TPM4: variants seen among roughly 807,000 people sequenced by gnomAD.
TPM4 encodes tropomyosin 4.
Under a neutral mutation model 35.8 loss-of-function variants are expected in TPM4, and 17 were observed. That is an observed-to-expected ratio of 0.47 (90% CI 0.32 to 0.71). The LOEUF is 0.71. Ranked by LOEUF, TPM4 falls within the 30% of genes least tolerant of loss-of-function variation. The probability of loss-of-function intolerance (pLI) is 0.03; values close to 1 mark genes in which losing one functional copy is unlikely to be tolerated. For missense variants in TPM4, 240 were observed against 320.9 expected (o/e 0.75, Z 1.93); for synonymous variants, 120 against 122.9 (o/e 0.98, Z 0.15).
intron 3 of TPM4, among the ~76,000 whole-genome samples, chr19:16,087,318 G>A (rs555450032): frequency 7.8e-4 from 119 of 151,968 alleles, no homozygotes; most frequent in African/African-American, 2.6e-3. Context: ...GGCTCACGCC[G>A]GTAATCCCAG....
chr19:16,097,397 C>T (rs570147572), intron 7 of TPM4, among the ~76,000 whole-genome samples: 331 of 152,224 alleles, frequency 2.2e-3, no homozygotes, highest in Non-Finnish European at 3.8e-3. Flanking sequence ...GCCTCAGCCT[C>T]CCAAGTAGCT....
In TPM4 at chr19:16,070,725, G is replaced by A. The variant is rs550950432; in HGVS notation, c.114+2987G>A. ...TAAATGTAGGTTGATTTCCTGCCCC[G>A]CCCTACTTCCCCTTTGGGCCTCCCC... On this transcript the variant is annotated intron_variant, in intron 2 of 2. Coordinates refer to the TPM4 transcript ENST00000589897. This position sits in a 1 kb window ranked among gnomAD's most constrained non-coding sequence, Gnocchi z 7.4. Among the ~76,000 whole-genome samples the A allele has an allele frequency of 1.7e-4, 26 of 151,094 alleles. No individual in the cohort carries two copies. The South Asian group carries it at 3.8e-3, about 22-fold the overall frequency.
upstream of TPM4, chr19:16,075,966 A>C: frequency 2.0e-6 from 3 of 1,525,910 alleles, no homozygotes; most frequent in Non-Finnish European, 2.6e-6. Flanking sequence ...ACTCTTGTGA[A>C]TATTGGGGGG....
At chr19:16,073,966 A>ACACACAC (rs1568298147), upstream of TPM4, among the ~76,000 whole-genome samples, 6 of 140,808 alleles carry the variant, frequency 4.3e-5, no homozygotes, top group African/African-American at 1.5e-4. Flanking sequence ...AAAAACGCAA[A>ACACACAC]AAAAAAAAAT....
chr19:16,082,990 CAAAAA>C (rs1195606325), intron 2 of TPM4, among the ~76,000 whole-genome samples: 464 of 62,848 alleles, frequency 7.4e-3, no homozygotes, highest in African/African-American at 0.025. Context: ...GATTCTGTCT[CAAAAA>C]AAAAAAAAAA....
In TPM4 at chr19:16,067,699, G is replaced by A. The variant is rs1319082909; in HGVS notation, c.75G>A (p.Ala25=). The A allele has an allele frequency of 6.2e-7, 1 of 1,613,578 alleles. No individual in the cohort carries two copies. Among genetic ancestry groups the A allele is most frequent in the African/African-American group, 1.3e-5 (1 of 75,040 alleles). ...ATGCCATCGACCGCGCGGAGCAGGC[G>A]GAGGCGGATAAGAAAGCCGCTGAGG... The change falls in exon 2 of 3, where the codon GCG becomes GCA. Residue 25 remains alanine (A), a synonymous_variant. Transcript: ENST00000589897. This position sits in a 1 kb window ranked among gnomAD's most constrained non-coding sequence, Gnocchi z 4.1.
Position 16,089,397 on chromosome 19 carries a change from T to C in TPM4, c.531+277T>C, listed in dbSNP as rs139300753. Among the ~76,000 whole-genome samples the C allele has an allele frequency of 8.1e-4, 124 of 152,332 alleles. 1 individual carries two copies. The highest frequency in any genetic ancestry group is 2.8e-3 in the African/African-American group (118 of 41,570). ...CTTCTTAGCGAGATCTGAGCATAGT[T>C]GTATAAATAAATACAGAGCCTGCCT... On this transcript the variant is annotated intron_variant, in intron 5 of 7. Transcript: ENST00000643579.
chr19:16,071,378 G>T (rs928472547), intron 2 of TPM4, among the ~76,000 whole-genome samples: 5 of 151,702 alleles, frequency 3.3e-5, no homozygotes, highest in Non-Finnish European at 7.4e-5. Context: ...GTAGAGACAG[G>T]GTCTCACTAT....
chr19:16,068,828 C>T (rs1403476113), intron 2 of TPM4, among the ~76,000 whole-genome samples: 2 of 152,042 alleles, frequency 1.3e-5, no homozygotes, highest in Non-Finnish European at 2.9e-5. Context: ...GTCTGTTTTA[C>T]GTGTCTATCT....
At chr19:16,073,930 A>G (rs952327636), upstream of TPM4, among the ~76,000 whole-genome samples, 1 of 125,028 alleles carries the variant, frequency 8.0e-6, no homozygotes. Flanking sequence ...AGACACAGGA[A>G]GACCATGTAA....
chr19:16,087,973 G>T, intron 3 of TPM4, 54 bp from the exon 4 acceptor site: 2 of 1,571,624 alleles, frequency 1.3e-6, no homozygotes, highest in East Asian at 4.6e-5. Context: ...CAGTGGATGG[G>T]AGAGGACACG....
chr19:16,100,437 G>T (rs1235036775), intron 7 of TPM4: 1 of 152,156 alleles, frequency 6.6e-6, no homozygotes, highest in South Asian at 2.1e-4. Flanking sequence ...AATTTAACTG[G>T]GCGCCCTGCA....
chr19:16,088,121 C>T (rs2090581563), intron 4 of TPM4, 24 bp downstream of exon 4: 3 of 1,602,896 alleles, frequency 1.9e-6, no homozygotes, highest in South Asian at 1.1e-5. Flanking sequence ...CAGGACTGAG[C>T]GAGGCTGGCT....
At chr19:16,077,020 C>A in intron 1 of TPM4, 1 of 283,168 alleles carries the variant, frequency 3.5e-6, no homozygotes, top group Non-Finnish European at 6.0e-6. Flanking sequence ...GGGGGCGTAT[C>A]GTGCAGGCTC....
At chr19:16,088,609 C>A (rs1275933754) in intron 4 of TPM4, 1 of 1,037,728 alleles carries the variant, frequency 9.6e-7, no homozygotes, top group Non-Finnish European at 1.2e-6. Context: ...ACAGAGCATC[C>A]GGGAGTGCTG....
At chr19:16,084,118 A>G (rs754571327) in intron 2 of TPM4, among the ~76,000 whole-genome samples, 3 of 152,130 alleles carry the variant, frequency 2.0e-5, no homozygotes, top group African/African-American at 7.2e-5. Context: ...TAGTAGAGAC[A>G]GGGTTTCACC....
chr19:16,088,240 T>A, intron 4 of TPM4, 143 bp downstream of exon 4: 1 of 1,428,530 alleles, frequency 7.0e-7, no homozygotes, highest in Non-Finnish European at 9.4e-7. Flanking sequence ...ATCTTTTCTC[T>A]TGGCTTCTGT....
intron 5 of TPM4, among the ~76,000 whole-genome samples, chr19:16,090,030 C>T (rs924919763): frequency 2.0e-5 from 3 of 151,968 alleles, no homozygotes; most frequent in Non-Finnish European, 2.9e-5. Flanking sequence ...GAGGTTTCAC[C>T]ACATTGGCCA....
At chr19:16,069,342 T>C (rs2090328942) in intron 2 of TPM4, among the ~76,000 whole-genome samples, 2 of 152,198 alleles carry the variant, frequency 1.3e-5, no homozygotes, top group Admixed American at 6.5e-5. Context: ...TGTATGGTTG[T>C]GTGTTTCTAT....
Sources: allele counts gnomAD v4.1 joint callset (sites outside exome capture counted in the v4.1 genomes callset), GRCh38; gene constraint gnomAD v4.1.1; non-coding constraint Gnocchi (gnomAD v3.1); transcripts MANE v1.5; gene names NCBI Gene and HGNC (gene_info 2026-07-23, HGNC 2026-07-21).